The following MCOLN2 variants were observed in gnomAD, a reference collection of about 807,000 sequenced individuals.
MCOLN2 encodes the protein mucolipin-2.
A neutral mutation model predicts 67.5 loss-of-function variants in MCOLN2; 57 were observed. That is an observed-to-expected ratio of 0.84 (90% CI 0.68 to 1.05). The LOEUF is 1.05. MCOLN2 is among the 50% of genes least tolerant of loss of function. The probability of loss-of-function intolerance (pLI) is 0.00; values close to 1 mark genes in which losing one functional copy is unlikely to be tolerated. For synonymous variants in MCOLN2, 246 were observed against 233.3 expected (o/e 1.05, Z -0.50); for missense variants, 620 against 678.8 (o/e 0.91, Z 0.96).
chr1:84,965,919 T>C (rs1382532328), intron 1 of MCOLN2, among the ~76,000 whole-genome samples: 1 of 152,172 alleles, frequency 6.6e-6, no homozygotes, highest in South Asian at 2.1e-4. Flanking sequence ...CCAGACCTTC[T>C]ACCTCCTACC....
intron 1 of MCOLN2, among the ~76,000 whole-genome samples, chr1:84,987,224 TA>T (rs1262062998): frequency 7.0e-6 from 1 of 142,802 alleles, no homozygotes; most frequent in Non-Finnish European, 1.5e-5. Flanking sequence ...ATATGGCATA[TA>T]TATACAGCTA....
intron 6 of MCOLN2, among the ~76,000 whole-genome samples, chr1:84,950,867 T>G (rs567751832): frequency 6.6e-6 from 1 of 152,160 alleles, no homozygotes; most frequent in African/African-American, 2.4e-5. Context: ...GCACTCAAGA[T>G]CTCTGTTTCC....
chr1:84,954,117 A>AGTTT (rs1269350121), intron 4 of MCOLN2, among the ~76,000 whole-genome samples: 13 of 152,196 alleles, frequency 8.5e-5, no homozygotes, highest in African/African-American at 3.1e-4. Context: ...ACCTTGCTAA[A>AGTTT]CGCCCATTGC....
rs550689767 is a variant in MCOLN2 at position 84,996,926 on chromosome 1, G to C, written c.-54C>G. 82 of 1,490,006 alleles carry C rather than the reference G, an allele frequency of 5.5e-5. No homozygotes were observed. Among genetic ancestry groups the C allele is most frequent in the Non-Finnish European group, 7.6e-5 (81 of 1,069,460 alleles). The allele number at this position is 1,490,006 out of a possible 1,614,324, so 92.3% of individuals were successfully genotyped here. A position where few individuals can be genotyped will look rare whatever the true frequency, so the allele number is the denominator to read the frequency against. ...CTCGGGATTCGGAACAGGAAACACCGTTCACGGCCGACTCATTTCGCCCTC... is the reference window on the plus strand; with the variant it reads ...CTCGGGATTCGGAACAGGAAACACCCTTCACGGCCGACTCATTTCGCCCTC... On this transcript the variant is annotated 5_prime_UTR_variant, in exon 1 of 14. Transcript: ENST00000370608.
chr1:84,940,820 T>G (rs572059968), intron 8 of MCOLN2, 59 bp downstream of exon 8: 2 of 1,182,856 alleles, frequency 1.7e-6, no homozygotes, highest in African/African-American at 3.1e-5. Flanking sequence ...GGTCCACTGC[T>G]TGGGCAAACT....
At chr1:84,929,812 T>C in intron 12 of MCOLN2, 133 bp from the exon 13 acceptor site, 2 of 744,732 alleles carry the variant, frequency 2.7e-6, no homozygotes, top group Non-Finnish European at 2.1e-6. Flanking sequence ...AACTGATATT[T>C]ACAATGATGA....
rs148979230 is a variant in MCOLN2, at chr1:84,965,618, G to T, written c.168C>A (p.Tyr56Ter). The T allele has an allele frequency of 1.2e-6, 2 of 1,613,918 alleles. No individual in the cohort carries two copies. The highest frequency in any genetic ancestry group is 1.7e-6 in the Non-Finnish European group (2 of 1,179,980). ...TCCACGGAATCTGGCGTCTGGCTCGGTATTTTTCACAAGGGCTCATGAAGT... is the reference window on the plus strand; with the variant it reads ...TCCACGGAATCTGGCGTCTGGCTCGTTATTTTTCACAAGGGCTCATGAAGT... The part of the protein sequence containing the change: ...KFYFMSPCEK[Y>*]RARRQIPWKL... The change falls in exon 2 of 14, where the codon TAC becomes TAA. Residue 56 changes from tyrosine (Y) to a stop codon, truncating the protein, a stop_gained. Coordinates refer to ENST00000370608, the MANE Select transcript of MCOLN2 (RefSeq NM_153259.4). LOFTEE classifies it high-confidence loss of function.
rs184869502 is a variant in MCOLN2 at position 84,936,768 on chromosome 1, A to C, written c.1335+987T>G. Among the ~76,000 whole-genome samples, 3 of 152,378 alleles carry C rather than the reference A, an allele frequency of 2.0e-5. No individual in the cohort carries two copies. The East Asian group carries it at 5.8e-4, about 29-fold the overall frequency. ...CGGAGGTTTAAGATTCATGTATAACAGTTTGTAAACCAGATTTGATCACAG... is the reference window on the plus strand; with the variant it reads ...CGGAGGTTTAAGATTCATGTATAACCGTTTGTAAACCAGATTTGATCACAG... On this transcript the variant is annotated intron_variant, in intron 11 of 13. Coordinates refer to ENST00000370608, the MANE Select transcript of MCOLN2 (RefSeq NM_153259.4).
At chr1:84,931,219 T>A (rs576843584) in intron 12 of MCOLN2, 143 bp downstream of exon 12, 1 of 619,248 alleles carries the variant, frequency 1.6e-6, no homozygotes, top group East Asian at 2.9e-5. Flanking sequence ...GCCCTAAAAT[T>A]CATCTCCAGC....
chr1:84,938,480 G>C (rs1647564148), intron 9 of MCOLN2, among the ~76,000 whole-genome samples: 1 of 152,200 alleles, frequency 6.6e-6, no homozygotes, highest in African/African-American at 2.4e-5. Context: ...GAAAACTCCA[G>C]CATGATTTCC....
chr1:84,983,873 C>T (rs1650379689), intron 1 of MCOLN2, among the ~76,000 whole-genome samples: 1 of 152,016 alleles, frequency 6.6e-6, no homozygotes, highest in Non-Finnish European at 1.5e-5. Flanking sequence ...GACAGGGTTT[C>T]ACCATGTTGG....
chr1:84,970,272 C>CAA (rs1649603814), intron 1 of MCOLN2, among the ~76,000 whole-genome samples: 1 of 151,512 alleles, frequency 6.6e-6, no homozygotes, highest in African/African-American at 2.4e-5. Flanking sequence ...CCCCCACCCC[C>CAA]CAACACACAC....
intron 4 of MCOLN2, among the ~76,000 whole-genome samples, chr1:84,955,879 CAA>C (rs1648755775): frequency 2.0e-5 from 3 of 151,918 alleles, no homozygotes; most frequent in Admixed American, 6.6e-5. Context: ...TTTTAAAAAA[CAA>C]AAAGTCTTAA....
intron 6 of MCOLN2, among the ~76,000 whole-genome samples, chr1:84,947,650 C>G (rs1051485184): frequency 6.6e-6 from 1 of 152,190 alleles, no homozygotes; most frequent in Admixed American, 6.5e-5. Flanking sequence ...GGAGAGGTGC[C>G]GGGAGTTCAT....
At chr1:84,935,337 A>G (rs1302015945) in intron 11 of MCOLN2, among the ~76,000 whole-genome samples, 1 of 152,210 alleles carries the variant, frequency 6.6e-6, no homozygotes, top group Non-Finnish European at 1.5e-5. Context: ...GAGAGATGCC[A>G]TAAACAGACC....
At chr1:84,953,279 C>T (rs915623062) in intron 4 of MCOLN2, among the ~76,000 whole-genome samples, 11 of 152,064 alleles carry the variant, frequency 7.2e-5, no homozygotes, top group African/African-American at 1.9e-4. Flanking sequence ...TGGCCAGGCA[C>T]GGTGGCTCAC....
intron 1 of MCOLN2, among the ~76,000 whole-genome samples, chr1:84,986,475 G>A (rs542094593): frequency 2.0e-4 from 31 of 151,318 alleles, no homozygotes; most frequent in African/African-American, 6.8e-4. Context: ...CCCAGGAGGC[G>A]GAGGTTGCAA....
At chr1:84,951,653 G>A (rs1447981641) in intron 6 of MCOLN2, among the ~76,000 whole-genome samples, 1 of 152,344 alleles carries the variant, frequency 6.6e-6, no homozygotes, top group African/African-American at 2.4e-5. Context: ...TTTAAAAAAT[G>A]TATTAGGAGA....
chr1:84,974,489 G>GT (rs1649899358), intron 1 of MCOLN2, among the ~76,000 whole-genome samples: 1 of 151,954 alleles, frequency 6.6e-6, no homozygotes, highest in Non-Finnish European at 1.5e-5. Flanking sequence ...TAATGCCTCT[G>GT]TTCCAGGCCC....
Sources: gnomAD v4.1 joint callset for allele counts (sites outside exome capture counted in the v4.1 genomes callset) on GRCh38, gnomAD v4.1.1 for gene constraint, MANE v1.5 for transcripts, NCBI Gene and HGNC (gene_info 2026-07-23, HGNC 2026-07-21) for gene names.